RHOT1: variants seen among roughly 807,000 people sequenced by gnomAD.
RHOT1 encodes the protein ras homolog family member T1, also known as mitochondrial Rho GTPase 1.
RHOT1 carries 27 observed loss-of-function variants against 95.3 expected under a neutral mutation model. The observed-to-expected ratio is 0.28, with a 90% confidence interval of 0.21 to 0.39. RHOT1 has a LOEUF of 0.39. Ranked by LOEUF, RHOT1 falls within the 10% of genes least tolerant of loss-of-function variation. RHOT1 has a pLI of 1.00. For missense variants in RHOT1, 578 were observed against 786.7 expected, an observed-to-expected ratio of 0.73 and a Z score of 3.17; for synonymous variants, 227 against 263.5, an observed-to-expected ratio of 0.86 and a Z score of 1.34.
intron 1 of RHOT1, among the ~76,000 whole-genome samples, chr17:32,145,299 CA>C (rs910770968): frequency 1.3e-5 from 2 of 151,742 alleles, no homozygotes; most frequent in African/African-American, 4.8e-5. Flanking sequence ...GACTCTGTCT[CA>C]AAAAATATAT....
At position 32,168,927 on chromosome 17, in the gene RHOT1, G is replaced by A. The variant is rs563672409; in HGVS notation, c.38-2116G>A. Among the ~76,000 whole-genome samples, 9 of 152,290 alleles carry A rather than the reference G, an allele frequency of 5.9e-5. No homozygotes were observed. The South Asian group carries it at 1.9e-3, about 32-fold the overall frequency. ...GTTAACTAGATTCTAGCAGTTCTGT[G>A]ATGATGGATTCACGGACATCATCAG... On this transcript the variant is annotated intron_variant, in intron 1 of 19. Coordinates refer to ENST00000545287, the MANE Select transcript of RHOT1 (RefSeq NM_001033566.3).
At chr17:32,221,513 C>T (rs1294557584) in intron 19 of RHOT1, among the ~76,000 whole-genome samples, 1 of 152,066 alleles carries the variant, frequency 6.6e-6, no homozygotes, top group Non-Finnish European at 1.5e-5. Context: ...ATTCTCTATT[C>T]AGGTTAAGCA....
intron 13 of RHOT1, 64 bp from the exon 14 acceptor site, chr17:32,200,892 C>T: frequency 8.0e-7 from 1 of 1,245,110 alleles, no homozygotes; most frequent in African/African-American, 1.5e-5. Context: ...TAGCTATTGG[C>T]TTTTTTTTCC....
Position 32,183,282 on chromosome 17 carries a change from T to A in RHOT1, c.540+10T>A. The stretch of plus-strand genomic sequence containing the variant: ...CCCAGAGGAGAAGGAGGTAACAGGC[T>A]GTGTTTATAGGGGCTGGAATGTGTA... On this transcript the variant is annotated intron_variant, in intron 8 of 19. Coordinates refer to ENST00000545287, the MANE Select transcript of RHOT1 (RefSeq NM_001033566.3). 1 of 1,415,714 alleles carries A rather than the reference T, an allele frequency of 7.1e-7. No homozygotes were observed. The highest frequency in any genetic ancestry group is 9.4e-7 in the Non-Finnish European group (1 of 1,069,244). 87.7% of individuals were successfully genotyped at this position (1,415,714 alleles called of 1,614,324 possible). A position where few individuals can be genotyped will look rare whatever the true frequency, so the allele number is the denominator to read the frequency against.
At chr17:32,219,217 C>G (rs1429266378) in intron 19 of RHOT1, among the ~76,000 whole-genome samples, 1 of 152,176 alleles carries the variant, frequency 6.6e-6, no homozygotes, top group Non-Finnish European at 1.5e-5. Flanking sequence ...AGTTTTGCTT[C>G]TTTTCAGTAT....
chr17:32,165,600 ATATAT>A (rs1419844426), intron 1 of RHOT1, among the ~76,000 whole-genome samples: 1 of 152,106 alleles, frequency 6.6e-6, no homozygotes, highest in Non-Finnish European at 1.5e-5. Flanking sequence ...CTTTAGTATA[ATATAT>A]TCATCCAGTG....
At chr17:32,200,810 CTA>C in intron 13 of RHOT1, 144 bp from the exon 14 acceptor site, 2 of 530,920 alleles carry the variant, frequency 3.8e-6, no homozygotes, top group East Asian at 3.5e-5. Flanking sequence ...GTAAGAAAAA[CTA>C]TGGTTGGGCT....
chr17:32,156,486 G>A (rs1042239818), intron 1 of RHOT1, among the ~76,000 whole-genome samples: 2 of 152,082 alleles, frequency 1.3e-5, no homozygotes, highest in Non-Finnish European at 2.9e-5. Flanking sequence ...GCCCAGGCTC[G>A]TTTTGAACTC....
At chr17:32,151,089 A>C in intron 1 of RHOT1, 1 of 1,059,200 alleles carries the variant, frequency 9.4e-7, no homozygotes, top group Non-Finnish European at 1.5e-6. Context: ...GAGTGAAAAC[A>C]GCCAGGTTAT....
chr17:32,175,361 A>T lies in RHOT1; in HGVS notation c.221A>T (p.Gln74Leu). 1 of 1,610,624 alleles carries T rather than the reference A, an allele frequency of 6.2e-7. No homozygotes were observed. Among genetic ancestry groups the T allele is most frequent in the Non-Finnish European group, 8.5e-7 (1 of 1,176,776 alleles). The change falls in exon 4 of 20, where the codon CAG becomes CTG. Residue 74 changes from glutamine (Q) to leucine (L), a missense_variant and splice_region_variant. Coordinates refer to ENST00000545287, the MANE Select transcript of RHOT1 (RefSeq NM_001033566.3). The part of the protein sequence containing the change: ...SDEQLHQEIS[Q>L]ANVICIVYAV... Reference sequence around the variant, plus strand: ...GAACAACTTCATCAAGAAATATCTCAGGTGAGCTTTAAAAAACAGAGGTGT... The same window carrying T: ...GAACAACTTCATCAAGAAATATCTCTGGTGAGCTTTAAAAAACAGAGGTGT...
At position 32,183,186 on chromosome 17, in the gene RHOT1, C is replaced by T. The variant is rs1378476348; in HGVS notation, c.454C>T (p.Leu152=). Residue 152 remains leucine, a synonymous_variant, in exon 8 of 20, where the codon CTG becomes TTG. Transcript: ENST00000545287. The stretch of plus-strand genomic sequence containing the variant: ...ATTTTTTCAGTGTTCAGCGAAAAAC[C>T]TGAAGAACATATCAGAGCTCTTTTA... ...ETCVECSAKN[L]KNISELFYYA... is the part of the protein sequence containing the mutation. 1.3e-6 allele frequency: 2 copies of T among 1,582,964 alleles called. No homozygotes were observed. The highest frequency in any genetic ancestry group is 2.3e-5 in the East Asian group (1 of 44,162).
intron 1 of RHOT1, chr17:32,151,415 G>T: frequency 1.5e-6 from 1 of 649,878 alleles, no homozygotes. Context: ...GGGACTAGCT[G>T]GATCCTGTGG....
intron 19 of RHOT1, among the ~76,000 whole-genome samples, chr17:32,218,306 A>G (rs2038610431): frequency 6.6e-6 from 1 of 151,888 alleles, no homozygotes; most frequent in Admixed American, 6.6e-5. Context: ...CTGGGTCACA[A>G]AGTGAGAGCC....
intron 8 of RHOT1, among the ~76,000 whole-genome samples, chr17:32,190,680 A>C (rs892156314): frequency 8.5e-5 from 13 of 152,228 alleles, no homozygotes; most frequent in Non-Finnish European, 1.8e-4. Context: ...TTTAATGACT[A>C]ACAGGATCAC....
Position 32,199,097 on chromosome 17 carries a change from T to G in RHOT1, c.954+66T>G, listed in dbSNP as rs942684808. 7 of 1,239,370 alleles carry G rather than the reference T, an allele frequency of 5.6e-6. No homozygotes were observed. The Admixed American group carries it at 7.3e-5, about 13-fold the overall frequency. The allele number at this position is 1,239,370 out of a possible 1,614,324, so 76.8% of individuals were successfully genotyped here. The stretch of plus-strand genomic sequence containing the variant: ...CATTTTTCTATGGATGATATAACTC[T>G]GTTCCCTGAGCTATGGGATGTGTAT... On this transcript the variant is annotated intron_variant, in intron 12 of 19. Transcript: ENST00000545287.
intron 11 of RHOT1, among the ~76,000 whole-genome samples, chr17:32,197,126 TA>T (rs908268621): frequency 4.1e-4 from 58 of 142,494 alleles, no homozygotes; most frequent in Non-Finnish European, 4.8e-4. Flanking sequence ...CCATCTCAAA[TA>T]AAAAAAAAAA....
At chr17:32,191,148 CTTAAGTT>C (rs1398622794) in intron 8 of RHOT1, among the ~76,000 whole-genome samples, 4 of 152,172 alleles carry the variant, frequency 2.6e-5, no homozygotes, top group South Asian at 2.1e-4. Context: ...CTCTTTGTAT[CTTAAGTT>C]TTATCTTTTT....
intron 11 of RHOT1, among the ~76,000 whole-genome samples, chr17:32,198,171 C>T (rs1210502466): frequency 1.3e-5 from 2 of 152,238 alleles, no homozygotes; most frequent in Non-Finnish European, 2.9e-5. Context: ...GCTGGGATTA[C>T]AGGCATGAGT....
intron 16 of RHOT1, among the ~76,000 whole-genome samples, chr17:32,205,769 C>T (rs952513529): frequency 3.3e-5 from 5 of 152,162 alleles, no homozygotes; most frequent in Admixed American, 2.0e-4. Flanking sequence ...TGGTCTCAAA[C>T]TCCTGGGCTC....
Sources: gnomAD v4.1 joint callset for allele counts (sites outside exome capture counted in the v4.1 genomes callset) on GRCh38, gnomAD v4.1.1 for gene constraint, MANE v1.5 for transcripts, NCBI Gene and HGNC (gene_info 2026-07-23, HGNC 2026-07-21) for gene names.